The following MAF variants were observed in gnomAD, a reference collection of about 807,000 sequenced individuals.
The protein encoded by MAF is transcription factor Maf.
Under a neutral mutation model 22.0 loss-of-function variants are expected in MAF, and 10 were observed. The ratio of observed to expected loss-of-function variants is 0.45; its 90% CI spans 0.28 to 0.77. The LOEUF (loss-of-function observed/expected upper bound fraction) is 0.77. MAF is among the 30% of genes least tolerant of loss of function. The pLI is 0.12. For missense variants in MAF, 544 were observed against 548.4 expected, an observed-to-expected ratio of 0.99 and a Z score of 0.08; for synonymous variants, 337 against 255.8, an observed-to-expected ratio of 1.32 and a Z score of -3.03.
chr16:79,337,881 A>C, the MAF span, among the ~76,000 whole-genome samples: 3 of 152,178 alleles, frequency 2.0e-5, no homozygotes. Context: ...CTTTTCCTCA[A>C]TTTAAATTTC....
the MAF span, among the ~76,000 whole-genome samples, chr16:79,577,218 T>G: frequency 1.3e-5 from 2 of 152,122 alleles, no homozygotes; most frequent in South Asian, 4.1e-4. Context: ...TCACATTATA[T>G]GCATTTTCTT....
downstream of MAF, chr16:79,585,778 A>T: frequency 1.7e-6 from 1 of 584,010 alleles, no homozygotes; most frequent in Admixed American, 3.4e-5. Flanking sequence ...AGTTAGCAGC[A>T]TTCCTTGTTT....
chr16:79,306,393 A>C, the MAF span, among the ~76,000 whole-genome samples: 3 of 152,210 alleles, frequency 2.0e-5, no homozygotes, highest in Admixed American at 6.5e-5. Context: ...ACATGTATGG[A>C]GTGCCTACAA....
the MAF span, among the ~76,000 whole-genome samples, chr16:79,440,725 T>G: frequency 6.6e-6 from 1 of 152,256 alleles, no homozygotes; most frequent in African/African-American, 2.4e-5. Context: ...TCATCTAATT[T>G]CAAATGATTA....
At chr16:79,523,846 A>T in the MAF span, among the ~76,000 whole-genome samples, 1 of 152,348 alleles carries the variant, frequency 6.6e-6, no homozygotes, top group East Asian at 1.9e-4. Flanking sequence ...AAATGAATTC[A>T]TTAGGTCAAT....
chr16:79,485,944 A>T, the MAF span, among the ~76,000 whole-genome samples: 1 of 152,334 alleles, frequency 6.6e-6, no homozygotes, highest in African/African-American at 2.4e-5. Flanking sequence ...TTTTTAACTG[A>T]TGGAACTCTA....
chr16:79,308,212 T>C, the MAF span, among the ~76,000 whole-genome samples: 3 of 152,256 alleles, frequency 2.0e-5, no homozygotes, highest in Admixed American at 6.5e-5. Context: ...CGGGTCCACA[T>C]TGATCATTTA....
At chr16:79,305,814 T>A in the MAF span, among the ~76,000 whole-genome samples, 1 of 152,104 alleles carries the variant, frequency 6.6e-6, no homozygotes, top group Admixed American at 6.5e-5. Flanking sequence ...GAAATAGGGA[T>A]TCAAGGCAGA....
At chr16:79,514,561 G>C in the MAF span, among the ~76,000 whole-genome samples, 3 of 152,172 alleles carry the variant, frequency 2.0e-5, no homozygotes, top group Non-Finnish European at 2.9e-5. Context: ...CTGCATGGTA[G>C]CCACACCACC....
the MAF span, among the ~76,000 whole-genome samples, chr16:79,358,449 A>T: frequency 6.6e-6 from 1 of 152,134 alleles, no homozygotes; most frequent in East Asian, 1.9e-4. Context: ...TTCATTTGGG[A>T]GAAGGCAGCC....
the MAF span, among the ~76,000 whole-genome samples, chr16:79,368,712 C>G: frequency 6.6e-5 from 10 of 152,164 alleles, no homozygotes; most frequent in African/African-American, 2.2e-4. Context: ...GTGTATATTT[C>G]TGGAATGTGT....
the MAF span, among the ~76,000 whole-genome samples, chr16:79,578,081 A>G: frequency 6.6e-6 from 1 of 152,216 alleles, no homozygotes; most frequent in Non-Finnish European, 1.5e-5. Flanking sequence ...AATAACAAGC[A>G]GAATAGCTGT....
the MAF span, among the ~76,000 whole-genome samples, chr16:79,302,610 C>A: frequency 1.3e-5 from 2 of 152,224 alleles, no homozygotes; most frequent in Non-Finnish European, 2.9e-5. Flanking sequence ...TTTGTTATTT[C>A]TTGCAGAAAG....
At chr16:79,507,201 C>T in the MAF span, among the ~76,000 whole-genome samples, 31 of 151,162 alleles carry the variant, frequency 2.1e-4, 1 homozygote, top group African/African-American at 5.6e-4. Context: ...GCAAGCTCTG[C>T]CTCCCGGGTT....
At chr16:79,551,549 A>G in the MAF span, among the ~76,000 whole-genome samples, 4 of 152,214 alleles carry the variant, frequency 2.6e-5, no homozygotes. Context: ...TGAAACAGAA[A>G]TTAAATCCCT....
chr16:79,534,468 G>T, the MAF span, among the ~76,000 whole-genome samples: 1 of 152,192 alleles, frequency 6.6e-6, no homozygotes, highest in Non-Finnish European at 1.5e-5. Flanking sequence ...ACATACAGGT[G>T]AGTGTTGATG....
chr16:79,422,579 G>T, the MAF span, among the ~76,000 whole-genome samples: 1 of 152,132 alleles, frequency 6.6e-6, no homozygotes, highest in Non-Finnish European at 1.5e-5. Context: ...CTGGGGTTTA[G>T]CAGAGAGTAA....
At chr16:79,591,897 G>T (rs1282464620), downstream of MAF, among the ~76,000 whole-genome samples, 1 of 152,084 alleles carries the variant, frequency 6.6e-6, no homozygotes, top group Non-Finnish European at 1.5e-5. Context: ...AGACATTAAC[G>T]ATTTCCTCAA....
At chr16:79,309,490 G>A in the MAF span, among the ~76,000 whole-genome samples, 1 of 152,158 alleles carries the variant, frequency 6.6e-6, no homozygotes, top group Non-Finnish European at 1.5e-5. Flanking sequence ...GTTTTTATAT[G>A]TAAACGGTTT....
Sources: allele counts gnomAD v4.1 joint callset (sites outside exome capture counted in the v4.1 genomes callset), GRCh38; gene constraint gnomAD v4.1.1; transcripts MANE v1.5; gene names NCBI Gene and HGNC (gene_info 2026-07-23, HGNC 2026-07-21).